The following KCTD16 variants were observed in gnomAD, a reference collection of about 807,000 sequenced individuals.
KCTD16 encodes the protein potassium channel tetramerization domain containing 16.
In KCTD16, 13 loss-of-function variants were observed where a neutral mutation model predicts 33.2. The observed-to-expected ratio is 0.39, with a 90% CI of 0.25 to 0.62. The LOEUF is 0.62. KCTD16 is among the 20% of genes least tolerant of loss of function. The pLI is 0.50. For synonymous variants in KCTD16, 197 were observed against 195.3 expected, an observed-to-expected ratio of 1.01 and a Z score of -0.07; for missense variants, 441 against 525.1, an observed-to-expected ratio of 0.84 and a Z score of 1.57.
intron 2 of KCTD16, among the ~76,000 whole-genome samples, chr5:144,204,283 T>C (rs2126787484): frequency 6.6e-6 from 1 of 152,358 alleles, no homozygotes. Context: ...GGATGGCGTG[T>C]GCCTCACATA....
intron 3 of KCTD16, among the ~76,000 whole-genome samples, chr5:144,301,196 G>T (rs950295515): frequency 1.4e-5 from 2 of 139,664 alleles, no homozygotes; most frequent in Non-Finnish European, 3.0e-5. Flanking sequence ...AGCTGAGATC[G>T]CACCATTGCA....
chr5:144,300,332 A>G, intron 3 of KCTD16, among the ~76,000 whole-genome samples: 1 of 152,148 alleles, frequency 6.6e-6, no homozygotes, highest in East Asian at 1.9e-4. Flanking sequence ...GTCACCCTTC[A>G]AGTTCTCACT....
At chr5:144,220,782 A>G (rs1210301638) in intron 3 of KCTD16, among the ~76,000 whole-genome samples, 4 of 152,114 alleles carry the variant, frequency 2.6e-5, no homozygotes, top group Admixed American at 6.5e-5. Context: ...TCTACTAAAA[A>G]TATAAAAAAT....
chr5:144,420,400 T>A (rs1273530323), intron 3 of KCTD16, among the ~76,000 whole-genome samples: 1 of 152,072 alleles, frequency 6.6e-6, no homozygotes, highest in Non-Finnish European at 1.5e-5. Context: ...GAACTTAAAG[T>A]ATAATAATAA....
At chr5:144,463,415 T>A (rs569300906) in intron 3 of KCTD16, among the ~76,000 whole-genome samples, 3 of 152,308 alleles carry the variant, frequency 2.0e-5, no homozygotes, top group African/African-American at 7.2e-5. Flanking sequence ...TTCTAAAAAC[T>A]TATTATTCAG....
At chr5:144,309,412 A>T (rs1481650002) in intron 3 of KCTD16, among the ~76,000 whole-genome samples, 2 of 152,062 alleles carry the variant, frequency 1.3e-5, no homozygotes, top group Admixed American at 1.3e-4. Context: ...TTCAAGGTCA[A>T]GCCAATTGCT....
chr5:144,454,710 A>G (rs1428508228), intron 3 of KCTD16, among the ~76,000 whole-genome samples: 3 of 152,056 alleles, frequency 2.0e-5, no homozygotes, highest in Admixed American at 2.0e-4. Context: ...TCTTTACCCT[A>G]TGGGTATAGA....
intron 3 of KCTD16, among the ~76,000 whole-genome samples, chr5:144,368,061 T>C (rs959428384): frequency 1.8e-4 from 27 of 152,162 alleles, no homozygotes; most frequent in African/African-American, 6.3e-4. Flanking sequence ...TGAACTCCTG[T>C]GTGTTCTCAG....
chr5:144,261,485 CTCTCTGCAGCAATTCTT>C (rs954868701), intron 3 of KCTD16, among the ~76,000 whole-genome samples: 1 of 152,186 alleles, frequency 6.6e-6, no homozygotes, highest in African/African-American at 2.4e-5. Context: ...CCCTTTGTTC[CTCTCTGCAGCAATTCTT>C]TCATCCAGAT....
chr5:144,400,750 A>G (rs1305201744), intron 3 of KCTD16, among the ~76,000 whole-genome samples: 1 of 152,196 alleles, frequency 6.6e-6, no homozygotes, highest in Admixed American at 6.5e-5. Flanking sequence ...TATAAATGCA[A>G]TGAAGCAAAC....
At chr5:144,275,709 C>T (rs532745195) in intron 3 of KCTD16, among the ~76,000 whole-genome samples, 1 of 152,046 alleles carries the variant, frequency 6.6e-6, no homozygotes, top group Non-Finnish European at 1.5e-5. Context: ...CACTGAACGG[C>T]GAGGGATGTG....
chr5:144,216,083 T>G (rs564185421), intron 3 of KCTD16, among the ~76,000 whole-genome samples: 2 of 152,332 alleles, frequency 1.3e-5, no homozygotes, highest in African/African-American at 4.8e-5. Context: ...ATATGATGGA[T>G]TTAAAAATTA....
At chr5:144,438,424 G>A (rs931278213) in intron 3 of KCTD16, among the ~76,000 whole-genome samples, 2 of 152,196 alleles carry the variant, frequency 1.3e-5, no homozygotes, top group East Asian at 1.9e-4. Context: ...GAGCATACGT[G>A]TTGACTCTGT....
chr5:144,373,610 AT>A (rs1005162762), intron 3 of KCTD16, among the ~76,000 whole-genome samples: 1 of 151,900 alleles, frequency 6.6e-6, no homozygotes, highest in Non-Finnish European at 1.5e-5. Context: ...GCTGCTCATT[AT>A]TTTTTACGTG....
rs1001021680 is a variant in KCTD16 at position 144,474,769 on chromosome 5, G to A, written c.*655G>A. ...CTCTTAGAATATTTCAGATGGATGA[G>A]CTTCTGACTCTTTCTTAAAATTCTT... On this transcript the variant is annotated 3_prime_UTR_variant, in exon 4 of 4. Coordinates refer to ENST00000512467, the MANE Select transcript of KCTD16 (RefSeq NM_020768.4). The A allele has an allele frequency of 6.6e-6, 1 of 152,292 alleles. No homozygotes were observed. Among genetic ancestry groups the A allele is most frequent in the Non-Finnish European group, 1.5e-5 (1 of 68,022 alleles). 9.4% of individuals were successfully genotyped at this position (152,292 alleles called of 1,614,324 possible).
At chr5:144,347,894 C>G (rs1160770611) in intron 3 of KCTD16, among the ~76,000 whole-genome samples, 3 of 152,102 alleles carry the variant, frequency 2.0e-5, no homozygotes, top group Non-Finnish European at 4.4e-5. Flanking sequence ...GGTGAGCTGC[C>G]GTCTCTTCTC....
At chr5:144,299,138 A>C (rs1458277916) in intron 3 of KCTD16, among the ~76,000 whole-genome samples, 5 of 29,234 alleles carry the variant, frequency 1.7e-4, no homozygotes, top group Non-Finnish European at 2.6e-4. Flanking sequence ...ATATATATAT[A>C]TATATATATA....
intron 3 of KCTD16, among the ~76,000 whole-genome samples, chr5:144,239,860 A>C (rs912407138): frequency 6.6e-6 from 1 of 152,142 alleles, no homozygotes; most frequent in African/African-American, 2.4e-5. Context: ...TGAAGGATAA[A>C]TAAGATTTGG....
intron 3 of KCTD16, among the ~76,000 whole-genome samples, chr5:144,426,625 TA>T (rs1223195377): frequency 7.2e-5 from 11 of 152,116 alleles, no homozygotes; most frequent in African/African-American, 2.7e-4. Context: ...CTGAGTAATT[TA>T]TAAAAAAAAT....
Sources: allele counts gnomAD v4.1 joint callset (sites outside exome capture counted in the v4.1 genomes callset), GRCh38; gene constraint gnomAD v4.1.1; transcripts MANE v1.5; gene names NCBI Gene and HGNC (gene_info 2026-07-23, HGNC 2026-07-21).